Variants in RAET1G observed in about 807,000 individuals in gnomAD.
The protein encoded by RAET1G is retinoic acid early transcript 1G, also known as UL-16 binding protein 5.
Under a neutral mutation model 29.5 loss-of-function variants are expected in RAET1G, and 25 were observed. The observed-to-expected ratio is 0.85, with a 90% CI of 0.62 to 1.18. The LOEUF is 1.18. Ranked by LOEUF, RAET1G falls within the 50% of genes most tolerant of loss-of-function variation. The pLI is 0.00. For missense variants in RAET1G, 434 were observed against 423.6 expected (o/e 1.02, Z -0.22); for synonymous variants, 167 against 159.5 (o/e 1.05, Z -0.36).
At position 149,919,647 on chromosome 6, in the gene RAET1G, C is replaced by T. The variant is rs1349402140; in HGVS notation, c.255G>A (p.Thr85=). The change falls in exon 2 of 5, where the codon ACG becomes ACA. Residue 85 remains threonine, a synonymous_variant. Transcript: ENST00000367360. ...GTACTGGGTTCTGTGCTTTCCAGGC[C>T]GTTGTGACATTTAGTTTCTTCCCCA... ...SPLGKKLNVT[T]AWKAQNPVLR... is the part of the protein sequence containing the mutation. 1.6e-5 allele frequency: 26 copies of T among 1,613,842 alleles called. No individual in the cohort carries two copies. The highest frequency in any genetic ancestry group is 8.3e-5 in the Admixed American group (5 of 59,992).
intron 4 of RAET1G, among the ~76,000 whole-genome samples, chr6:149,917,946 T>A (rs951228503): frequency 1.3e-5 from 2 of 152,232 alleles, no homozygotes; most frequent in Non-Finnish European, 2.9e-5. Flanking sequence ...AGCCTTGGTA[T>A]GGCACCACTG....
At position 149,919,160 on chromosome 6, in the gene RAET1G, A is replaced by G. The variant is rs1310938720; in HGVS notation, c.514T>C (p.Trp172Arg). The change falls in exon 3 of 5, where the codon TGG becomes CGG. Residue 172 changes from tryptophan (W) to arginine (R), a missense_variant. Coordinates refer to ENST00000367360, the MANE Select transcript of RAET1G (RefSeq NM_001001788.4). ...ATGGTCATATCCTTGTCATTCTCCC[A>G]CTTTTCTTTCATCTTTCTGGCTCCA... ...HPGARKMKEK[W>R]ENDKDMTMSF... The G allele has an allele frequency of 6.2e-7, 1 of 1,614,108 alleles. No homozygotes were observed. The highest frequency in any genetic ancestry group is 1.1e-5 in the South Asian group (1 of 91,076).
In RAET1G at chr6:149,918,369, G is replaced by A; in HGVS notation, c.647C>T (p.Ser216Phe). 2 of 1,614,138 alleles carry A rather than the reference G, an allele frequency of 1.2e-6. No homozygotes were observed. Residue 216 changes from serine to phenylalanine, a missense_variant, in exon 4 of 5, where the codon TCC becomes TTC. Coordinates refer to ENST00000367360, the MANE Select transcript of RAET1G (RefSeq NM_001001788.4). ...GGCCCTGGGTTGGGCTGTGCCTGAG[G>A]ACATGGTGGGTGGTGCTGAAATGGA... ...EPSAGAPPTM[S>F]SGTAQPRATA... is the part of the protein sequence containing the mutation.
At chr6:149,920,010 G>C (rs566748337) in intron 1 of RAET1G, among the ~76,000 whole-genome samples, 194 bp from the exon 2 acceptor site, 2 of 152,198 alleles carry the variant, frequency 1.3e-5, no homozygotes, top group Non-Finnish European at 2.9e-5. Context: ...AGGAGGAGGA[G>C]GTCCCTGCCT....
chr6:149,921,038 G>A (rs1050557390), intron 1 of RAET1G, among the ~76,000 whole-genome samples: 3 of 152,218 alleles, frequency 2.0e-5, no homozygotes, highest in Admixed American at 6.5e-5. Context: ...CGCAACAAGT[G>A]CAATGATTCT....
rs114027928 is a variant in RAET1G, at chr6:149,917,062, C to T, written c.855G>A (p.Ala285=). Residue 285 remains alanine, a synonymous_variant, in exon 5 of 5, where the codon GCG becomes GCA. Coordinates refer to ENST00000367360, the MANE Select transcript of RAET1G (RefSeq NM_001001788.4). ...RVLWSDSYQI[A]KRPLSGGHVT... is the part of the protein sequence containing the mutation. ...CGTGTCCACCAGACAAGGGGCGCTT[C>T]GCTATTTGGTAGCTGAGGCGGAGAG... 4,148 of 1,547,240 alleles carry T rather than the reference C, an allele frequency of 2.7e-3. 118 individuals are homozygous for T. The African/African-American group carries it at 0.051, about 19-fold the overall frequency.
In RAET1G at chr6:149,922,032, G is replaced by A. The variant is rs529194577; in HGVS notation, c.85+894C>T. Among the ~76,000 whole-genome samples the A allele has an allele frequency of 3.6e-3, 548 of 152,214 alleles. 3 individuals carry two copies. Among genetic ancestry groups the A allele is most frequent in the Non-Finnish European group, 6.3e-3 (430 of 67,992 alleles). Reference sequence around the variant, plus strand: ...GCATCCTTCCTCCCTTTCTAGAAAGGGTTTGCTGACCCCTGTCTACACACT... The same window carrying A: ...GCATCCTTCCTCCCTTTCTAGAAAGAGTTTGCTGACCCCTGTCTACACACT... On this transcript the variant is annotated intron_variant, in intron 1 of 4. Coordinates refer to ENST00000367360, the MANE Select transcript of RAET1G (RefSeq NM_001001788.4).
chr6:149,917,854 A>C (rs998996303), intron 4 of RAET1G, among the ~76,000 whole-genome samples: 5 of 152,134 alleles, frequency 3.3e-5, no homozygotes, highest in African/African-American at 1.2e-4. Flanking sequence ...TGCTGCCTGC[A>C]GGCCACACAC....
In RAET1G at chr6:149,920,703, A is replaced by G. The variant is rs60222693; in HGVS notation, c.86-887T>C. 9.4e-3 allele frequency among the ~76,000 whole-genome samples: 1,428 copies of G among 152,290 alleles called. 14 individuals carry two copies. The highest frequency in any genetic ancestry group is 0.032 in the African/African-American group (1,344 of 41,548). ...AGGTGGAGGTTGTCAACTGTCAGGA[A>G]CAAGGAGGGTGCAATGATGGAAATG... On this transcript the variant is annotated intron_variant, in intron 1 of 4. Coordinates refer to ENST00000367360, the MANE Select transcript of RAET1G (RefSeq NM_001001788.4).
intron 1 of RAET1G, among the ~76,000 whole-genome samples, chr6:149,921,474 C>G (rs1233473195): frequency 2.6e-5 from 4 of 152,222 alleles, no homozygotes; most frequent in Non-Finnish European, 5.9e-5. Context: ...GCTCCTCACC[C>G]TCTAGGTCAT....
chr6:149,922,927 G>A lies in RAET1G; in HGVS notation c.84C>T (p.Ala28=), dbSNP rs1474686423. The part of the protein sequence containing the change: ...LLSSWCRTGL[A]DPHSLCYDIT... Reference sequence around the variant, plus strand: ...CTTAGGCTCCATCCCCGAACTCACCGGCCAGCCCGGTCCTGCACCAGCTGG... The same window carrying A: ...CTTAGGCTCCATCCCCGAACTCACCAGCCAGCCCGGTCCTGCACCAGCTGG... Residue 28 remains alanine, a splice_region_variant and synonymous_variant, in exon 1 of 5, where the codon GCC becomes GCT. Coordinates refer to ENST00000367360, the MANE Select transcript of RAET1G (RefSeq NM_001001788.4). 1.3e-6 allele frequency: 2 copies of A among 1,588,796 alleles called. No homozygotes were observed. The highest frequency in any genetic ancestry group is 2.7e-5 in the African/African-American group (2 of 74,688).
At chr6:149,919,938 C>T in intron 1 of RAET1G, 122 bp from the exon 2 acceptor site, 1 of 1,590,568 alleles carries the variant, frequency 6.3e-7, no homozygotes, top group Non-Finnish European at 8.5e-7. Context: ...AGGAGTGCCT[C>T]CTCCAGAACT....
At position 149,917,731 on chromosome 6, in the gene RAET1G, A is replaced by G. The variant is rs1201499117; in HGVS notation, c.842+443T>C. Among the ~76,000 whole-genome samples, 9 of 152,238 alleles carry G rather than the reference A, an allele frequency of 5.9e-5. No homozygotes were observed. The East Asian group carries it at 1.7e-3, about 29-fold the overall frequency. On this transcript the variant is annotated intron_variant, in intron 4 of 4. Transcript: ENST00000367360. ...GGCACCTGGGTGGCTTGCCGCCCACACATATCTCTCTCTTAGCCTCAGAGA... is the reference window on the plus strand; with the variant it reads ...GGCACCTGGGTGGCTTGCCGCCCACGCATATCTCTCTCTTAGCCTCAGAGA...
Position 149,918,674 on chromosome 6 carries a change from T to C in RAET1G, c.632-290A>G, listed in dbSNP as rs578029517. The C allele has an allele frequency of 3.9e-4, 229 of 586,740 alleles. 1 individual carries two copies. In the South Asian group the frequency reaches 4.7e-3, roughly 12 times the overall value. 36.3% of individuals were successfully genotyped at this position (586,740 alleles called of 1,614,324 possible). On this transcript the variant is annotated intron_variant, in intron 3 of 4. Transcript: ENST00000367360. ...GTGCGGGAGGGGAGGGTCACGAGGC[T>C]GGCCTTGGAGGAGGTTTTGATGGAT...
At chr6:149,919,014 G>A (rs778027917) in intron 3 of RAET1G, 29 bp downstream of exon 3, 1 of 1,611,984 alleles carries the variant, frequency 6.2e-7, no homozygotes, top group African/African-American at 1.3e-5. Flanking sequence ...GATCTCATTG[G>A]AGATCCCCAT....
chr6:149,919,339 G>A lies in RAET1G; in HGVS notation c.350-15C>T. 4 of 1,610,534 alleles carry A rather than the reference G, an allele frequency of 2.5e-6. No individual in the cohort carries two copies. In the South Asian group the frequency reaches 4.4e-5, roughly 18 times the overall value. On this transcript the variant is annotated splice_polypyrimidine_tract_variant and intron_variant, in intron 2 of 4. Transcript: ENST00000367360. ...GGTGAGGGGTTCTGCCCCCATCAAA[G>A]AGAGATCAGCTCTGGCCTTGACAGA...
At chr6:149,920,929 G>T (rs1346247334) in intron 1 of RAET1G, among the ~76,000 whole-genome samples, 2 of 152,244 alleles carry the variant, frequency 1.3e-5, no homozygotes, top group African/African-American at 4.8e-5. Context: ...CAAGAACAAG[G>T]CTGCTTTGCC....
At position 149,919,613 on chromosome 6, in the gene RAET1G, C is replaced by T; in HGVS notation, c.289G>A (p.Val97Met). 1 of 1,614,018 alleles carries T rather than the reference C, an allele frequency of 6.2e-7. No individual in the cohort carries two copies. Among genetic ancestry groups the T allele is most frequent in the South Asian group, 1.1e-5 (1 of 91,068 alleles). ...AGTTGCTCTGTAAGTATGTCCACCA[C>T]CTCTCTCAGTACTGGGTTCTGTGCT... Reference protein sequence around the residue: ...WKAQNPVLREVVDILTEQLLD... With the variant: ...WKAQNPVLREMVDILTEQLLD... The change falls in exon 2 of 5, where the codon GTG (valine) becomes ATG (methionine). Residue 97 changes from valine (V) to methionine (M), a missense_variant. By Grantham distance (21) the Val-to-Met change is conservative. Transcript: ENST00000367360.
In RAET1G at chr6:149,922,811, G is replaced by A. The variant is rs570778958; in HGVS notation, c.85+115C>T. 1.1e-4 allele frequency: 73 copies of A among 665,114 alleles called. 1 individual carries two copies. In the South Asian group the frequency reaches 1.4e-3, roughly 13 times the overall value. 41.2% of individuals were successfully genotyped at this position (665,114 alleles called of 1,614,324 possible). On this transcript the variant is annotated intron_variant, in intron 1 of 4. Coordinates refer to ENST00000367360, the MANE Select transcript of RAET1G (RefSeq NM_001001788.4). ...ACGCGGAGGGAAACTGAGCGGGGGC[G>A]CAGTCCGGGGTGATCGCACGGGTCC...
Sources: gnomAD v4.1 joint callset for allele counts (sites outside exome capture counted in the v4.1 genomes callset) on GRCh38, gnomAD v4.1.1 for gene constraint, MANE v1.5 for transcripts, NCBI Gene and HGNC (gene_info 2026-07-23, HGNC 2026-07-21) for gene names.